The following GMDS variants were observed in gnomAD, a reference collection of about 807,000 sequenced individuals.
GMDS encodes the protein GDP-mannose 4,6-dehydratase.
Under a neutral mutation model 49.9 loss-of-function variants are expected in GMDS, and 20 were observed. The ratio of observed to expected loss-of-function variants is 0.40; its 90% CI spans 0.28 to 0.58. The LOEUF is 0.58. Ranked by LOEUF, GMDS falls within the 20% of genes least tolerant of loss-of-function variation. The probability of loss-of-function intolerance (pLI) is 0.42; values close to 1 mark genes in which losing one functional copy is unlikely to be tolerated. For missense variants in GMDS, 362 were observed against 481.4 expected, an observed-to-expected ratio of 0.75 and a Z score of 2.32; for synonymous variants, 177 against 178.6, an observed-to-expected ratio of 0.99 and a Z score of 0.07.
At chr6:1,709,437 C>T (rs1233703204) in intron 9 of GMDS, among the ~76,000 whole-genome samples, 3 of 152,240 alleles carry the variant, frequency 2.0e-5, no homozygotes, top group Non-Finnish European at 4.4e-5. Context: ...GGCCCAATTT[C>T]CTCATCTGAC....
At chr6:2,066,617 G>C (rs1204727962) in intron 4 of GMDS, among the ~76,000 whole-genome samples, 2 of 152,070 alleles carry the variant, frequency 1.3e-5, no homozygotes, top group Admixed American at 1.3e-4. Context: ...TGCAATCCTA[G>C]TCTCTGATAA....
At chr6:1,871,289 A>G (rs181515406) in intron 7 of GMDS, among the ~76,000 whole-genome samples, 1 of 152,370 alleles carries the variant, frequency 6.6e-6, no homozygotes, top group East Asian at 1.9e-4. Flanking sequence ...GTGCAAGCAT[A>G]GAGATATATT....
At chr6:1,988,072 C>A (rs1765673968) in intron 4 of GMDS, among the ~76,000 whole-genome samples, 1 of 152,162 alleles carries the variant, frequency 6.6e-6, no homozygotes, top group Non-Finnish European at 1.5e-5. Flanking sequence ...CCCCCATATG[C>A]ATTCTTTACT....
At chr6:1,775,703 T>C (rs1191367940) in intron 7 of GMDS, among the ~76,000 whole-genome samples, 1 of 152,222 alleles carries the variant, frequency 6.6e-6, no homozygotes, top group African/African-American at 2.4e-5. Context: ...CATGTTGCTG[T>C]GAAATGCAAT....
intron 9 of GMDS, among the ~76,000 whole-genome samples, chr6:1,686,079 G>T (rs1764966066): frequency 6.6e-6 from 1 of 152,122 alleles, no homozygotes; most frequent in Non-Finnish European, 1.5e-5. Context: ...CCGTGGGTCT[G>T]GTTACAGTGG....
At chr6:2,015,310 G>A (rs1767821242) in intron 4 of GMDS, among the ~76,000 whole-genome samples, 1 of 151,880 alleles carries the variant, frequency 6.6e-6, no homozygotes, top group Non-Finnish European at 1.5e-5. Context: ...AAAACACACA[G>A]TAACAAAATT....
intron 7 of GMDS, among the ~76,000 whole-genome samples, chr6:1,781,138 A>C (rs967229129): frequency 1.3e-5 from 2 of 151,886 alleles, no homozygotes; most frequent in Admixed American, 6.6e-5. Flanking sequence ...GTTTAGAAAA[A>C]GCTCTTTGCT....
intron 4 of GMDS, among the ~76,000 whole-genome samples, chr6:1,990,380 T>C (rs1316796814): frequency 6.6e-6 from 1 of 152,158 alleles, no homozygotes; most frequent in Non-Finnish European, 1.5e-5. Flanking sequence ...CCTTTGGCCT[T>C]CCACTGTGAC....
chr6:2,084,037 A>C (rs1315380879), intron 4 of GMDS, among the ~76,000 whole-genome samples: 1 of 152,198 alleles, frequency 6.6e-6, no homozygotes, highest in Non-Finnish European at 1.5e-5. Flanking sequence ...ACAAATACTT[A>C]ATCAAATGCC....
Position 2,128,168 on chromosome 6 carries a change from A to G in GMDS, c.103-3437T>C, listed in dbSNP as rs1293136828. Among the ~76,000 whole-genome samples the G allele has an allele frequency of 2.0e-5, 3 of 148,696 alleles. No individual in the cohort carries two copies. The East Asian group carries it at 5.8e-4, about 29-fold the overall frequency. On this transcript the variant is annotated intron_variant, in intron 1 of 10. Coordinates refer to ENST00000380815, the MANE Select transcript of GMDS (RefSeq NM_001500.4). ...GCTTTAACATTTTCAAGACACAGAA[A>G]TATTTTCCTTTTTTTTTTTTTTTGA...
chr6:2,047,840 T>C (rs1770116989), intron 4 of GMDS, among the ~76,000 whole-genome samples: 2 of 152,166 alleles, frequency 1.3e-5, no homozygotes, highest in African/African-American at 2.4e-5. Context: ...ACATATTAAA[T>C]ATTTTTTTAA....
At chr6:1,663,243 G>A (rs56129551) in intron 9 of GMDS, among the ~76,000 whole-genome samples, 19,500 of 152,190 alleles carry the variant, frequency 0.13, 1,691 homozygotes, top group Non-Finnish European at 0.18. Flanking sequence ...CGTTAGGGAT[G>A]CTGGGAAGTG....
At chr6:2,017,978 A>T (rs1471193347) in intron 4 of GMDS, among the ~76,000 whole-genome samples, 1 of 152,180 alleles carries the variant, frequency 6.6e-6, no homozygotes, top group Non-Finnish European at 1.5e-5. Context: ...CTTGTTTTTT[A>T]AAAATAGAAA....
chr6:2,003,869 C>A (rs900350275), intron 4 of GMDS, among the ~76,000 whole-genome samples: 1 of 152,148 alleles, frequency 6.6e-6, no homozygotes, highest in African/African-American at 2.4e-5. Context: ...CCAATGCTGT[C>A]TTTGCCCAAG....
intron 4 of GMDS, among the ~76,000 whole-genome samples, chr6:1,965,810 G>A (rs1360586168): frequency 6.6e-6 from 1 of 152,080 alleles, no homozygotes; most frequent in Non-Finnish European, 1.5e-5. Context: ...TCCAGCCTGG[G>A]CAACAGAGCA....
At chr6:2,058,294 A>G (rs1179663803) in intron 4 of GMDS, among the ~76,000 whole-genome samples, 3 of 151,488 alleles carry the variant, frequency 2.0e-5, no homozygotes, top group Admixed American at 6.6e-5. Context: ...GCAGTGAGCC[A>G]AGATGGCACC....
chr6:1,703,625 T>C (rs1411872554), intron 9 of GMDS, among the ~76,000 whole-genome samples: 2 of 152,264 alleles, frequency 1.3e-5, no homozygotes, highest in African/African-American at 4.8e-5. Flanking sequence ...TGTGCCTGGA[T>C]GCGCCTGCTG....
chr6:1,795,647 A>C (rs1341276829), intron 7 of GMDS, among the ~76,000 whole-genome samples: 1 of 152,232 alleles, frequency 6.6e-6, no homozygotes, highest in Non-Finnish European at 1.5e-5. Flanking sequence ...AATGCAAATA[A>C]AATTTAAAGA....
intron 4 of GMDS, among the ~76,000 whole-genome samples, chr6:1,978,097 A>C (rs1765012996): frequency 6.6e-6 from 1 of 152,162 alleles, no homozygotes; most frequent in South Asian, 2.1e-4. Flanking sequence ...CCACGGAGAG[A>C]GGGGCAGGCT....
Sources: allele counts gnomAD v4.1 joint callset (sites outside exome capture counted in the v4.1 genomes callset), GRCh38; gene constraint gnomAD v4.1.1; transcripts MANE v1.5; gene names NCBI Gene and HGNC (gene_info 2026-07-23, HGNC 2026-07-21).